EDIL3: variants seen among roughly 807,000 people sequenced by gnomAD.
EDIL3 encodes the protein EGF-like repeat and discoidin I-like domain-containing protein 3.
EDIL3 carries 37 observed loss-of-function variants against 67.4 expected under a neutral mutation model. The observed-to-expected ratio is 0.55, with a 90% CI of 0.42 to 0.72. The LOEUF is 0.72. EDIL3 is among the 30% of genes least tolerant of loss of function. The probability of loss-of-function intolerance (pLI) is 0.00; values close to 1 mark genes in which losing one functional copy is unlikely to be tolerated. For missense variants in EDIL3, 527 were observed against 586.3 expected (o/e 0.90, Z 1.04); for synonymous variants, 195 against 196.3 (o/e 0.99, Z 0.05).
At chr5:83,949,267 C>T (rs918517456) in intron 10 of EDIL3, among the ~76,000 whole-genome samples, 3 of 151,694 alleles carry the variant, frequency 2.0e-5, no homozygotes, top group African/African-American at 7.3e-5. Context: ...GGAACCATTA[C>T]CCTCCAAAGC....
intron 1 of EDIL3, among the ~76,000 whole-genome samples, chr5:84,295,400 T>G (rs1464558701): frequency 6.6e-6 from 1 of 151,970 alleles, no homozygotes; most frequent in Admixed American, 6.6e-5. Context: ...AATGAATTTA[T>G]CAATATTACC....
Position 83,994,930 on chromosome 5 carries a change from CAG to C in EDIL3, c.1138-31572_1138-31571del, listed in dbSNP as rs566672085. On this transcript the variant is annotated intron_variant, in intron 9 of 10. Coordinates refer to ENST00000296591, the MANE Select transcript of EDIL3 (RefSeq NM_005711.5). Reference sequence around the variant, plus strand: ...CCTCATATATATTTCAATAGACAAACAGTATGTGAAAAATGCTCTTTTCCATT... The same window carrying C: ...CCTCATATATATTTCAATAGACAAACTATGTGAAAAATGCTCTTTTCCATT... Among the ~76,000 whole-genome samples the C allele has an allele frequency of 6.2e-3, 949 of 152,094 alleles. 6 individuals carry two copies. Among genetic ancestry groups the C allele is most frequent in the African/African-American group, 0.021 (890 of 41,496 alleles).
chr5:84,233,497 G>A (rs1324594428), intron 2 of EDIL3, among the ~76,000 whole-genome samples: 1 of 152,130 alleles, frequency 6.6e-6, no homozygotes, highest in African/African-American at 2.4e-5. Flanking sequence ...GTTGTTTCAC[G>A]AGATTTCAAC....
chr5:83,988,042 T>C (rs1401802776), intron 9 of EDIL3, among the ~76,000 whole-genome samples: 1 of 152,094 alleles, frequency 6.6e-6, no homozygotes, highest in Non-Finnish European at 1.5e-5. Flanking sequence ...CTACACAGGA[T>C]GTACTTGTCT....
intron 1 of EDIL3, among the ~76,000 whole-genome samples, chr5:84,340,959 C>T (rs1038836483): frequency 1.6e-4 from 24 of 151,986 alleles, no homozygotes; most frequent in Admixed American, 1.4e-3. Context: ...CGCATCATCC[C>T]TGTTAAGTGA....
At chr5:84,076,168 A>C (rs919863070) in intron 6 of EDIL3, among the ~76,000 whole-genome samples, 2 of 151,992 alleles carry the variant, frequency 1.3e-5, no homozygotes, top group African/African-American at 4.8e-5. Context: ...ATCTAGCTTA[A>C]GAGAAGACAG....
chr5:84,346,096 C>T (rs898635798), intron 1 of EDIL3, among the ~76,000 whole-genome samples: 1 of 149,190 alleles, frequency 6.7e-6, no homozygotes, highest in Non-Finnish European at 1.5e-5. Context: ...ACTCTTTTCC[C>T]TTAAATCTCT....
At chr5:84,040,557 G>C (rs1746102292) in intron 9 of EDIL3, among the ~76,000 whole-genome samples, 1 of 150,090 alleles carries the variant, frequency 6.7e-6, no homozygotes, top group African/African-American at 2.4e-5. Context: ...TTAAATTACA[G>C]ATACGAAAAC....
At chr5:84,333,311 T>C (rs987299180) in intron 1 of EDIL3, among the ~76,000 whole-genome samples, 1 of 152,012 alleles carries the variant, frequency 6.6e-6, no homozygotes, top group Admixed American at 6.6e-5. Context: ...TAATAATAAA[T>C]TAAATAATAC....
chr5:84,219,228 C>T (rs1323150531), intron 3 of EDIL3, among the ~76,000 whole-genome samples: 2 of 152,108 alleles, frequency 1.3e-5, no homozygotes, highest in African/African-American at 2.4e-5. Context: ...GCATATTATC[C>T]AAGACCATAC....
chr5:84,300,540 A>G (rs539972977), intron 1 of EDIL3, among the ~76,000 whole-genome samples: 1 of 152,332 alleles, frequency 6.6e-6, no homozygotes, highest in East Asian at 1.9e-4. Context: ...ATGTTTAACA[A>G]CACTGGATAT....
At position 84,039,602 on chromosome 5, in the gene EDIL3, T is replaced by C. The variant is rs79661280; in HGVS notation, c.1137+20698A>G. 5.7e-3 allele frequency among the ~76,000 whole-genome samples: 863 copies of C among 152,234 alleles called. 12 individuals are homozygous for C. The highest frequency in any genetic ancestry group is 0.02 in the African/African-American group (829 of 41,546). On this transcript the variant is annotated intron_variant, in intron 9 of 10. Transcript: ENST00000296591. ...GAAAATCATCATTATATCAGCATCA[T>C]AACTTAGATCAATTAAATGTACCAG... is the stretch of plus-strand genomic sequence containing the variant.
At chr5:84,060,509 A>G (rs1746523087) in intron 8 of EDIL3, 25 bp from the exon 9 acceptor site, 1 of 1,610,586 alleles carries the variant, frequency 6.2e-7, no homozygotes, top group African/African-American at 1.3e-5. Context: ...GAAGGGCTCC[A>G]TGAGAAAAAT....
intron 5 of EDIL3, among the ~76,000 whole-genome samples, chr5:84,113,526 T>C (rs1249683950): frequency 6.6e-6 from 1 of 152,116 alleles, no homozygotes; most frequent in African/African-American, 2.4e-5. Context: ...CTTTTCTGCT[T>C]TGGCCAAGAG....
intron 1 of EDIL3, among the ~76,000 whole-genome samples, chr5:84,260,146 A>C (rs1294469921): frequency 3.3e-5 from 5 of 152,220 alleles, no homozygotes; most frequent in Non-Finnish European, 7.3e-5. Context: ...TGCCACAAAT[A>C]AATAAGGTAG....
At chr5:84,364,746 T>A (rs1248859146) in intron 1 of EDIL3, among the ~76,000 whole-genome samples, 1 of 152,040 alleles carries the variant, frequency 6.6e-6, no homozygotes, top group African/African-American at 2.4e-5. Context: ...ATAAATTTCA[T>A]ATGGAATCCT....
At chr5:84,346,120 T>C (rs993890977) in intron 1 of EDIL3, among the ~76,000 whole-genome samples, 3 of 149,362 alleles carry the variant, frequency 2.0e-5, no homozygotes, top group African/African-American at 7.3e-5. Flanking sequence ...TCAGGAGTCA[T>C]CAAACTTTTT....
At chr5:84,371,717 CTAAA>C (rs892322977) in intron 1 of EDIL3, among the ~76,000 whole-genome samples, 25 of 151,344 alleles carry the variant, frequency 1.7e-4, no homozygotes, top group African/African-American at 4.4e-4. Flanking sequence ...AAGAATTATA[CTAAA>C]TAAAGAATGA....
At chr5:83,965,303 GT>G (rs1390667083) in intron 9 of EDIL3, among the ~76,000 whole-genome samples, 4 of 152,040 alleles carry the variant, frequency 2.6e-5, no homozygotes, top group African/African-American at 9.7e-5. Context: ...AAAGCCCTGT[GT>G]TTTATCATGA....
Sources: gnomAD v4.1 joint callset for allele counts (sites outside exome capture counted in the v4.1 genomes callset) on GRCh38, gnomAD v4.1.1 for gene constraint, MANE v1.5 for transcripts, NCBI Gene and HGNC (gene_info 2026-07-23, HGNC 2026-07-21) for gene names.